Variants in ANKS1B observed in about 807,000 individuals in gnomAD.
The protein encoded by ANKS1B is ankyrin repeat and sterile alpha motif domain containing 1B.
Under a neutral mutation model 148.3 loss-of-function variants are expected in ANKS1B, and 36 were observed. The ratio of observed to expected loss-of-function variants is 0.24; its 90% CI spans 0.19 to 0.32. The LOEUF is 0.32. Ranked by LOEUF, ANKS1B falls within the 10% of genes least tolerant of loss-of-function variation. ANKS1B has a pLI of 1.00. For missense variants in ANKS1B, 1,157 were observed against 1,542.6 expected (o/e 0.75, Z 4.19); for synonymous variants, 542 against 560.8 (o/e 0.97, Z 0.47).
intron 9 of ANKS1B, among the ~76,000 whole-genome samples, chr12:99,517,535 T>C (rs2096833538): frequency 6.7e-6 from 1 of 148,384 alleles, no homozygotes; most frequent in Non-Finnish European, 1.5e-5. Flanking sequence ...CTGACCAATG[T>C]GGTGAAACCC....
At chr12:99,416,053 G>A (rs1383319899) in intron 11 of ANKS1B, among the ~76,000 whole-genome samples, 4 of 152,044 alleles carry the variant, frequency 2.6e-5, no homozygotes, top group Non-Finnish European at 2.9e-5. Flanking sequence ...GGTAACTACC[G>A]ATCTGTTATC....
intron 9 of ANKS1B, among the ~76,000 whole-genome samples, chr12:99,616,855 A>T (rs1327508346): frequency 6.6e-6 from 1 of 152,192 alleles, no homozygotes; most frequent in Non-Finnish European, 1.5e-5. Flanking sequence ...TGAACAGGCA[A>T]CCTACAGAAT....
intron 17 of ANKS1B, among the ~76,000 whole-genome samples, chr12:99,034,108 T>C (rs1398982578): frequency 6.6e-6 from 1 of 152,182 alleles, no homozygotes; most frequent in East Asian, 1.9e-4. Context: ...GACTGCTGTG[T>C]GACTGCTCAT....
At chr12:99,539,379 GT>G (rs1463877442) in intron 9 of ANKS1B, among the ~76,000 whole-genome samples, 1 of 152,014 alleles carries the variant, frequency 6.6e-6, no homozygotes, top group African/African-American at 2.4e-5. Context: ...TTGGGGCAAA[GT>G]TTTTTTGTAT....
intron 14 of ANKS1B, among the ~76,000 whole-genome samples, chr12:99,160,823 G>A (rs1445788980): frequency 1.3e-5 from 2 of 152,066 alleles, no homozygotes; most frequent in Non-Finnish European, 2.9e-5. Context: ...TATTTTTGTT[G>A]ATTTGTCAAA....
At chr12:99,524,396 A>G (rs908530236) in intron 9 of ANKS1B, among the ~76,000 whole-genome samples, 1 of 152,100 alleles carries the variant, frequency 6.6e-6, no homozygotes, top group African/African-American at 2.4e-5. Context: ...ACACATAGCA[A>G]AAGGAACTTT....
intron 17 of ANKS1B, among the ~76,000 whole-genome samples, chr12:98,886,250 T>C (rs1377916744): frequency 1.3e-5 from 2 of 152,108 alleles, no homozygotes; most frequent in South Asian, 2.1e-4. Context: ...ATTGTGGACC[T>C]AAGGAAGCAA....
At chr12:99,906,993 G>A (rs1316325896) in intron 1 of ANKS1B, among the ~76,000 whole-genome samples, 1 of 152,202 alleles carries the variant, frequency 6.6e-6, no homozygotes, top group South Asian at 2.1e-4. Flanking sequence ...AACTAACATT[G>A]CCTGAAGGCA....
chr12:99,669,050 G>C (rs2098523856), intron 8 of ANKS1B, among the ~76,000 whole-genome samples: 1 of 151,994 alleles, frequency 6.6e-6, no homozygotes, highest in Non-Finnish European at 1.5e-5. Flanking sequence ...AGTATATCAA[G>C]CATATTTATA....
chr12:98,934,726 G>A (rs991015591), intron 17 of ANKS1B, among the ~76,000 whole-genome samples: 3 of 151,734 alleles, frequency 2.0e-5, no homozygotes, highest in Non-Finnish European at 4.4e-5. Flanking sequence ...TGGTGCTATT[G>A]TAAATAGAAT....
chr12:99,673,615 T>A (rs990213813), intron 8 of ANKS1B, among the ~76,000 whole-genome samples: 1 of 151,970 alleles, frequency 6.6e-6, no homozygotes, highest in African/African-American at 2.4e-5. Flanking sequence ...ACTGGTTATG[T>A]TTAAAAGCAA....
At chr12:99,872,365 C>T (rs544014698) in intron 1 of ANKS1B, among the ~76,000 whole-genome samples, 1 of 152,122 alleles carries the variant, frequency 6.6e-6, no homozygotes, top group African/African-American at 2.4e-5. Context: ...CATAATAATT[C>T]ATAAAGCTGT....
At chr12:99,192,437 T>C (rs1250081407) in intron 14 of ANKS1B, among the ~76,000 whole-genome samples, 2 of 152,170 alleles carry the variant, frequency 1.3e-5, no homozygotes, top group Admixed American at 1.3e-4. Flanking sequence ...TCATGATTTC[T>C]TCTGATTAAC....
chr12:99,955,933 T>TA (rs2095316497), intron 1 of ANKS1B, among the ~76,000 whole-genome samples: 2 of 152,050 alleles, frequency 1.3e-5, no homozygotes, highest in South Asian at 4.2e-4. Flanking sequence ...GTAAAAGAAA[T>TA]AAAATCCTTC....
chr12:99,002,326 G>A (rs1260460166), intron 17 of ANKS1B, among the ~76,000 whole-genome samples: 2 of 152,006 alleles, frequency 1.3e-5, no homozygotes, highest in Non-Finnish European at 2.9e-5. Flanking sequence ...TCTTTTCCTC[G>A]GAGCTTTTTG....
chr12:99,239,520 G>A (rs1054998138), intron 14 of ANKS1B, among the ~76,000 whole-genome samples: 6 of 152,100 alleles, frequency 3.9e-5, no homozygotes, highest in South Asian at 4.2e-4. Context: ...AGAACTTCCC[G>A]AATCTAGCAA....
chr12:99,600,833 C>G (rs1356708391), intron 9 of ANKS1B, among the ~76,000 whole-genome samples: 1 of 152,052 alleles, frequency 6.6e-6, no homozygotes, highest in East Asian at 1.9e-4. Flanking sequence ...CTATTTTTAT[C>G]TCTTTTGTTT....
chr12:99,564,211 A>G (rs10860467), intron 9 of ANKS1B, among the ~76,000 whole-genome samples: 1 of 152,094 alleles, frequency 6.6e-6, no homozygotes, highest in Non-Finnish European at 1.5e-5. Context: ...GGTTCATACA[A>G]AAATATTTAC....
rs1345755443 is a variant in ANKS1B, at chr12:99,753,789, A to C, written c.1128+19133T>G. 6.6e-5 allele frequency among the ~76,000 whole-genome samples: 10 copies of C among 152,148 alleles called. 1 individual carries two copies. Among genetic ancestry groups the C allele is most frequent in the Admixed American group, 6.6e-4 (10 of 15,260 alleles). Reference sequence around the variant, plus strand: ...GTAATACTAGCACTTTGGGAGGCCAAGGTGGGTGGATCACCTGAGGTCAGG... The same window carrying C: ...GTAATACTAGCACTTTGGGAGGCCACGGTGGGTGGATCACCTGAGGTCAGG... On this transcript the variant is annotated intron_variant, in intron 8 of 26. Coordinates refer to ENST00000683438, the MANE Select transcript of ANKS1B (RefSeq NM_001352186.2).
Sources: gnomAD v4.1 joint callset for allele counts (sites outside exome capture counted in the v4.1 genomes callset) on GRCh38, gnomAD v4.1.1 for gene constraint, MANE v1.5 for transcripts, NCBI Gene and HGNC (gene_info 2026-07-23, HGNC 2026-07-21) for gene names.